The following SLC17A8 variants were observed in gnomAD, a reference collection of about 807,000 sequenced individuals.
SLC17A8 encodes solute carrier family 17 member 8, also known as vesicular glutamate transporter 3.
In SLC17A8, 31 loss-of-function variants were observed where a neutral mutation model predicts 58.0. The observed-to-expected ratio is 0.53, with a 90% CI of 0.40 to 0.72. The LOEUF (loss-of-function observed/expected upper bound fraction) is 0.72, where lower values mean the gene tolerates loss of function less well. Among genes scored for constraint, SLC17A8 ranks in the 30% least tolerant of loss-of-function variants. The pLI is 0.00. For synonymous variants in SLC17A8, 228 were observed against 249.0 expected (o/e 0.92, Z 0.79); for missense variants, 655 against 727.8 (o/e 0.90, Z 1.15).
intron 9 of SLC17A8, among the ~76,000 whole-genome samples, chr12:100,412,407 G>C (rs1029768573): frequency 6.6e-6 from 1 of 151,816 alleles, no homozygotes; most frequent in Non-Finnish European, 1.5e-5. Flanking sequence ...TCACACACTG[G>C]GGCCTGCTAG....
In SLC17A8 at chr12:100,357,451, A is replaced by T. The variant is rs1219817580; in HGVS notation, c.60A>T (p.Gly20=). 5 of 1,614,000 alleles carry T rather than the reference A, an allele frequency of 3.1e-6. No homozygotes were observed. The highest frequency in any genetic ancestry group is 4.2e-6 in the Non-Finnish European group (5 of 1,179,850). ...KEKILKPGKE[G]VKNAVGDSLG... ...AAATTCTGAAACCTGGGAAGGAAGGAGTGAAGAACGCCGTGGGAGATTCTT... is the reference window on the plus strand; with the variant it reads ...AAATTCTGAAACCTGGGAAGGAAGGTGTGAAGAACGCCGTGGGAGATTCTT... Residue 20 remains glycine (G), a synonymous_variant, in exon 1 of 12, where the codon GGA becomes GGT. Coordinates refer to ENST00000323346, the MANE Select transcript of SLC17A8 (RefSeq NM_139319.3).
rs893099975 is a variant in SLC17A8, at chr12:100,387,177, C to T, written c.355-3824C>T. On this transcript the variant is annotated intron_variant, in intron 2 of 11. Coordinates refer to ENST00000323346, the MANE Select transcript of SLC17A8 (RefSeq NM_139319.3). ...GTTCTGTTTTTAAGTTTTGGAGGAA[C>T]CTCTGTACTGTTTCCATGGTGGCTG... 4.6e-5 allele frequency among the ~76,000 whole-genome samples: 7 copies of T among 152,294 alleles called. No individual in the cohort carries two copies. In the East Asian group the frequency reaches 1.4e-3, roughly 29 times the overall value.
intron 10 of SLC17A8, 29 bp downstream of exon 10, chr12:100,412,909 T>C (rs1593007583): frequency 1.3e-6 from 2 of 1,521,462 alleles, no homozygotes; most frequent in Non-Finnish European, 1.8e-6. Context: ...TTCCAGATCT[T>C]GACTATAGAT....
chr12:100,419,610 C>T (rs1197189368), intron 11 of SLC17A8, among the ~76,000 whole-genome samples: 4 of 151,156 alleles, frequency 2.6e-5, no homozygotes, highest in Non-Finnish European at 5.9e-5. Context: ...TCATTGTTGT[C>T]TTAACTTTCA....
At chr12:100,378,715 A>G (rs1952611519) in intron 1 of SLC17A8, among the ~76,000 whole-genome samples, 1 of 152,148 alleles carries the variant, frequency 6.6e-6, no homozygotes, top group African/African-American at 2.4e-5. Context: ...AGCTAGAAGC[A>G]TGGACAACTG....
Position 100,420,428 on chromosome 12 carries a change from C to A in SLC17A8, c.*269C>A. The A allele has an allele frequency of 2.5e-6, 1 of 405,472 alleles. No homozygotes were observed. The highest frequency in any genetic ancestry group is 4.5e-6 in the Non-Finnish European group (1 of 222,194). 25.1% of individuals were successfully genotyped at this position (405,472 alleles called of 1,614,324 possible). A position where few individuals can be genotyped will look rare whatever the true frequency, so the allele number is the denominator to read the frequency against. On this transcript the variant is annotated 3_prime_UTR_variant, in exon 12 of 12. Transcript: ENST00000323346. ...GCTAAACTTATTCAGAAAGGAATGA[C>A]TAGAAGAAAAAGGAGACAATACCAT...
chr12:100,409,828 G>A (rs1952853759), intron 9 of SLC17A8, among the ~76,000 whole-genome samples: 1 of 152,218 alleles, frequency 6.6e-6, no homozygotes, highest in Non-Finnish European at 1.5e-5. Context: ...AGCTAATAGA[G>A]GAGTATGTCT....
rs116895937 is a variant in SLC17A8 at position 100,362,222 on chromosome 12, T to G, written c.101+4730T>G. ...TCTCCAGGGTTCCTCATGCCAGGAC[T>G]AGAAGCCCAGGCAAGGAGTCACCAT... is the stretch of plus-strand genomic sequence containing the variant. On this transcript the variant is annotated intron_variant, in intron 1 of 11. Coordinates refer to ENST00000323346, the MANE Select transcript of SLC17A8 (RefSeq NM_139319.3). Among the ~76,000 whole-genome samples the G allele has an allele frequency of 2.3e-3, 348 of 152,040 alleles. 5 individuals are homozygous for G. In the East Asian group the frequency reaches 0.039, roughly 17 times the overall value.
chr12:100,357,806 T>C (rs1393824960), intron 1 of SLC17A8, among the ~76,000 whole-genome samples: 1 of 152,358 alleles, frequency 6.6e-6, no homozygotes, highest in Non-Finnish European at 1.5e-5. Flanking sequence ...AGGGAGATAA[T>C]ATTTTATGTT....
At chr12:100,395,018 T>C (rs1401800239) in intron 4 of SLC17A8, among the ~76,000 whole-genome samples, 1 of 151,898 alleles carries the variant, frequency 6.6e-6, no homozygotes, top group African/African-American at 2.4e-5. Flanking sequence ...AAGAACACGA[T>C]ATTAGCATCC....
At chr12:100,393,629 C>G in intron 4 of SLC17A8, 146 bp downstream of exon 4, 3 of 638,092 alleles carry the variant, frequency 4.7e-6, no homozygotes, top group South Asian at 3.3e-5. Flanking sequence ...CTGGTAATGG[C>G]TAAAATTGCA....
chr12:100,375,461 G>A (rs1165393944), intron 1 of SLC17A8, among the ~76,000 whole-genome samples: 1 of 152,138 alleles, frequency 6.6e-6, no homozygotes, highest in Non-Finnish European at 1.5e-5. Flanking sequence ...AGAGCCAGTC[G>A]CTGTCAGAGG....
chr12:100,369,902 G>A (rs1009534614), intron 1 of SLC17A8, among the ~76,000 whole-genome samples: 4 of 152,144 alleles, frequency 2.6e-5, no homozygotes, highest in South Asian at 2.1e-4. Flanking sequence ...CAAGTATAAC[G>A]TTAAATGGCA....
At chr12:100,417,388 C>T (rs1301010979) in intron 10 of SLC17A8, among the ~76,000 whole-genome samples, 1 of 152,196 alleles carries the variant, frequency 6.6e-6, no homozygotes, top group African/African-American at 2.4e-5. Flanking sequence ...ATATTATCCT[C>T]ATATTGGAGA....
At chr12:100,412,602 A>C (rs1374539312) in intron 9 of SLC17A8, among the ~76,000 whole-genome samples, 168 bp from the exon 10 acceptor site, 1 of 151,780 alleles carries the variant, frequency 6.6e-6, no homozygotes. Context: ...TAAAAAAAAA[A>C]AAAAAAAAAC....
In SLC17A8 at chr12:100,402,441, A is replaced by G; in HGVS notation, c.865A>G (p.Thr289Ala). ...ISNEEKTYIETSIGEGANVVS... is the reference protein window; with the variant it reads ...ISNEEKTYIEASIGEGANVVS... Reference sequence around the variant, plus strand: ...CAATGAGGAGAAGACCTATATAGAGACAAGCATAGGAGAGGGGGCCAACGT... The same window carrying G: ...CAATGAGGAGAAGACCTATATAGAGGCAAGCATAGGAGAGGGGGCCAACGT... Residue 289 changes from threonine (T) to alanine (A), a missense_variant, in exon 7 of 12, where the codon ACA (threonine) becomes GCA (alanine). Transcript: ENST00000323346. 3 of 1,614,134 alleles carry G rather than the reference A, an allele frequency of 1.9e-6. No individual in the cohort carries two copies. Among genetic ancestry groups the G allele is most frequent in the Non-Finnish European group, 2.5e-6 (3 of 1,180,012 alleles).
intron 10 of SLC17A8, among the ~76,000 whole-genome samples, chr12:100,414,080 T>G (rs913000303): frequency 6.6e-6 from 1 of 152,232 alleles, no homozygotes; most frequent in African/African-American, 2.4e-5. Flanking sequence ...AGTAGTAGTA[T>G]ATCACTATGC....
intron 1 of SLC17A8, among the ~76,000 whole-genome samples, chr12:100,363,176 T>C (rs575532362): frequency 6.6e-6 from 1 of 152,266 alleles, no homozygotes; most frequent in African/African-American, 2.4e-5. Context: ...TCCATTGTGT[T>C]CCTAAATGGA....
At chr12:100,416,879 C>G (rs1440871457) in intron 10 of SLC17A8, among the ~76,000 whole-genome samples, 3 of 152,172 alleles carry the variant, frequency 2.0e-5, no homozygotes, top group African/African-American at 7.2e-5. Flanking sequence ...AAGTTTAAAT[C>G]CTTGGTCTAG....
Sources: allele counts gnomAD v4.1 joint callset (sites outside exome capture counted in the v4.1 genomes callset), GRCh38; gene constraint gnomAD v4.1.1; transcripts MANE v1.5; gene names NCBI Gene and HGNC (gene_info 2026-07-23, HGNC 2026-07-21).